Variants in HPSE2 observed in about 807,000 individuals in gnomAD.
HPSE2 encodes the protein heparanase 2 (inactive).
HPSE2 carries 38 observed loss-of-function variants against 60.5 expected under a neutral mutation model. That is an observed-to-expected ratio of 0.63 (90% CI 0.48 to 0.82). The LOEUF is 0.82. HPSE2 is among the 40% of genes least tolerant of loss of function. HPSE2 has a pLI of 0.00. For synonymous variants in HPSE2, 295 were observed against 293.2 expected (o/e 1.01, Z -0.06); for missense variants, 713 against 740.4 (o/e 0.96, Z 0.43).
chr10:99,309,083 C>CT, the HPSE2 span, among the ~76,000 whole-genome samples: 1 of 151,980 alleles, frequency 6.6e-6, no homozygotes, highest in South Asian at 2.1e-4. Context: ...ATACAAAAGA[C>CT]CACACATTGT....
chr10:99,184,419 G>A (rs1015308932), intron 2 of HPSE2, among the ~76,000 whole-genome samples: 4 of 150,764 alleles, frequency 2.7e-5, no homozygotes, highest in African/African-American at 7.3e-5. Flanking sequence ...CAGCTATTCG[G>A]GAGGCTGAGG....
At chr10:98,658,912 GTTTT>G (rs11358600) in intron 6 of HPSE2, among the ~76,000 whole-genome samples, 1 of 140,194 alleles carries the variant, frequency 7.1e-6, no homozygotes. Flanking sequence ...TACTGGCAGA[GTTTT>G]TTTTTTTTTT....
intron 9 of HPSE2, among the ~76,000 whole-genome samples, chr10:98,600,740 T>C (rs900791454): frequency 8.8e-6 from 1 of 114,052 alleles, no homozygotes; most frequent in Non-Finnish European, 2.1e-5. Context: ...TATATGTATA[T>C]ACATACACAC....
At chr10:98,671,337 T>C (rs1947501704) in intron 6 of HPSE2, among the ~76,000 whole-genome samples, 1 of 152,228 alleles carries the variant, frequency 6.6e-6, no homozygotes, top group Non-Finnish European at 1.5e-5. Flanking sequence ...GGTCTCTTTA[T>C]GTGCCTTCGG....
At chr10:98,836,283 A>G (rs1011746871) in intron 3 of HPSE2, among the ~76,000 whole-genome samples, 2 of 152,182 alleles carry the variant, frequency 1.3e-5, no homozygotes, top group African/African-American at 4.8e-5. Context: ...TTGCTCTTAG[A>G]GTCTAAAACC....
chr10:99,236,313 C>G (rs1389267384), upstream of HPSE2, among the ~76,000 whole-genome samples: 3 of 152,062 alleles, frequency 2.0e-5, no homozygotes, highest in African/African-American at 7.2e-5. Flanking sequence ...CTCGTTTTTA[C>G]GTCCTTCCCT....
intron 3 of HPSE2, among the ~76,000 whole-genome samples, chr10:98,748,666 A>G (rs1949683814): frequency 6.6e-6 from 1 of 152,148 alleles, no homozygotes; most frequent in Non-Finnish European, 1.5e-5. Context: ...AAAGTTCTTG[A>G]GATTTCTGAA....
rs190448766 is a variant in HPSE2, at chr10:99,118,842, C to A, written c.610+25396G>T. ...GACCAGCCTGGCCAACATGATGAAA[C>A]CCTGTCTCTACGAAAAATACAAAAA... On this transcript the variant is annotated intron_variant, in intron 3 of 11. Transcript: ENST00000370552. Among the ~76,000 whole-genome samples the A allele has an allele frequency of 3.3e-3, 507 of 152,008 alleles. 2 individuals carry two copies. The highest frequency in any genetic ancestry group is 0.012 in the African/African-American group (477 of 41,442).
intron 2 of HPSE2, among the ~76,000 whole-genome samples, chr10:99,185,069 G>C (rs2133843947): frequency 6.6e-6 from 1 of 151,816 alleles, no homozygotes; most frequent in South Asian, 2.1e-4. Context: ...GGAGGCTAAG[G>C]CTGGCAGATC....
intron 3 of HPSE2, among the ~76,000 whole-genome samples, chr10:98,778,922 A>T (rs1353738490): frequency 2.0e-5 from 3 of 152,218 alleles, no homozygotes; most frequent in Non-Finnish European, 4.4e-5. Flanking sequence ...AAAGTCAAAT[A>T]AAGGATAAAG....
At chr10:98,534,528 C>T (rs1943224121) in intron 9 of HPSE2, among the ~76,000 whole-genome samples, 1 of 152,166 alleles carries the variant, frequency 6.6e-6, no homozygotes, top group East Asian at 1.9e-4. Context: ...CCTCAGCCTC[C>T]CAAGTAGCTG....
chr10:98,621,026 T>C (rs1279508064), intron 7 of HPSE2, among the ~76,000 whole-genome samples: 1 of 152,138 alleles, frequency 6.6e-6, no homozygotes, highest in East Asian at 1.9e-4. Context: ...ATAAATCATA[T>C]TGTGTTTCCA....
rs1028679115 is a variant in HPSE2, at chr10:98,619,876, A to G, written c.1205+726T>C. Among the ~76,000 whole-genome samples the G allele has an allele frequency of 2.6e-5, 4 of 152,328 alleles. No individual in the cohort carries two copies. In the South Asian group the frequency reaches 8.3e-4, roughly 32 times the overall value. On this transcript the variant is annotated intron_variant, in intron 8 of 11. Transcript: ENST00000370552. ...GTCATTTTTCTTTTGTAGACAGACC[A>G]TGTGAGGAAGAAAGGCAGGTGGTCT...
At chr10:99,072,707 C>T (rs1486369097) in intron 3 of HPSE2, among the ~76,000 whole-genome samples, 1 of 152,062 alleles carries the variant, frequency 6.6e-6, no homozygotes, top group Non-Finnish European at 1.5e-5. Context: ...GGGTGGATAA[C>T]AGGGTCAAGA....
chr10:99,186,117 C>G (rs1252059825), intron 2 of HPSE2, among the ~76,000 whole-genome samples: 1 of 135,928 alleles, frequency 7.4e-6, no homozygotes, highest in African/African-American at 3.1e-5. Context: ...CACACACACA[C>G]ACACACACAC....
intron 2 of HPSE2, among the ~76,000 whole-genome samples, chr10:99,167,507 T>C (rs192909639): frequency 6.6e-6 from 1 of 152,228 alleles, no homozygotes; most frequent in Admixed American, 6.5e-5. Context: ...TCTAGTCTCA[T>C]TTGTTGAAAA....
chr10:98,777,484 T>A (rs1054529034), intron 3 of HPSE2, among the ~76,000 whole-genome samples: 1 of 152,208 alleles, frequency 6.6e-6, no homozygotes, highest in Non-Finnish European at 1.5e-5. Context: ...TTGAATTCCA[T>A]ACTAGAGTTT....
At chr10:98,571,329 T>G (rs930761592) in intron 9 of HPSE2, among the ~76,000 whole-genome samples, 3 of 152,000 alleles carry the variant, frequency 2.0e-5, no homozygotes, top group African/African-American at 7.2e-5. Context: ...CACAGTGAGA[T>G]TCTATCTTTA....
At chr10:99,235,985 CG>C, upstream of HPSE2, 1 of 430,884 alleles carries the variant, frequency 2.3e-6, no homozygotes, top group South Asian at 4.9e-5. Flanking sequence ...CTCGCTCGCT[CG>C]TTTTGTTTTT....
Sources: gnomAD v4.1 joint callset for allele counts (sites outside exome capture counted in the v4.1 genomes callset) on GRCh38, gnomAD v4.1.1 for gene constraint, MANE v1.5 for transcripts, NCBI Gene and HGNC (gene_info 2026-07-23, HGNC 2026-07-21) for gene names.